The following XKR4 variants were observed in gnomAD, a reference collection of about 807,000 sequenced individuals.
XKR4 encodes XK-related protein 4.
In XKR4, 12 loss-of-function variants were observed where a neutral mutation model predicts 53.9. The ratio of observed to expected loss-of-function variants is 0.22; its 90% confidence interval spans 0.14 to 0.36. XKR4 has a LOEUF of 0.36. Among genes scored for constraint, XKR4 ranks in the 10% least tolerant of loss-of-function variants. The probability of loss-of-function intolerance (pLI) is 1.00; values close to 1 mark genes in which losing one functional copy is unlikely to be tolerated. For missense variants in XKR4, 799 were observed against 859.5 expected (o/e 0.93, Z 0.88); for synonymous variants, 354 against 362.4 (o/e 0.98, Z 0.26).
Position 55,121,035 on chromosome 8 carries a change from T to A in XKR4, c.806+17741T>A, listed in dbSNP as rs535402690. Among the ~76,000 whole-genome samples the A allele has an allele frequency of 1.9e-3, 284 of 152,350 alleles. 1 individual carries two copies. The highest frequency in any genetic ancestry group is 3.4e-3 in the Non-Finnish European group (230 of 68,032). ...ATTTAGGATTCCTCCATATCTTTTA[T>A]GGCTTGATAGCTCATTTGTTTTTAA... is the stretch of plus-strand genomic sequence containing the variant. On this transcript the variant is annotated intron_variant, in intron 1 of 2. Transcript: ENST00000327381.
At chr8:55,245,583 G>A (rs557283197) in intron 1 of XKR4, among the ~76,000 whole-genome samples, 3 of 152,212 alleles carry the variant, frequency 2.0e-5, no homozygotes, top group South Asian at 4.2e-4. Context: ...CTTGTTGCCT[G>A]TATAGTATCT....
intron 1 of XKR4, among the ~76,000 whole-genome samples, chr8:55,166,892 G>A (rs1817072671): frequency 6.6e-6 from 1 of 152,202 alleles, no homozygotes; most frequent in African/African-American, 2.4e-5. Context: ...AGCCATTGGA[G>A]ACTTTTGAGC....
chr8:55,308,620 T>C (rs1162804386), intron 1 of XKR4, among the ~76,000 whole-genome samples: 4 of 152,172 alleles, frequency 2.6e-5, no homozygotes, highest in Non-Finnish European at 4.4e-5. Context: ...AGACAAACCA[T>C]ATCACCATAC....
intron 1 of XKR4, among the ~76,000 whole-genome samples, chr8:55,244,336 C>T (rs765293758): frequency 2.0e-5 from 3 of 152,136 alleles, no homozygotes; most frequent in Admixed American, 1.3e-4. Flanking sequence ...TCTGTTACTG[C>T]GTTAGTTCAC....
chr8:55,364,658 AG>A (rs1245443234), intron 2 of XKR4, among the ~76,000 whole-genome samples: 1 of 151,922 alleles, frequency 6.6e-6, no homozygotes, highest in Non-Finnish European at 1.5e-5. Context: ...TCTGAGACAG[AG>A]TCTTGCTCTG....
intron 1 of XKR4, among the ~76,000 whole-genome samples, chr8:55,327,022 G>C (rs911590170): frequency 2.3e-4 from 35 of 152,156 alleles, no homozygotes; most frequent in African/African-American, 7.0e-4. Flanking sequence ...GACCTCGGAG[G>C]CTGGTAGCCT....
In XKR4 at chr8:55,102,467, T is replaced by C; in HGVS notation, c.-22T>C. On this transcript the variant is annotated 5_prime_UTR_variant, in exon 1 of 3. Coordinates refer to ENST00000327381, the MANE Select transcript of XKR4 (RefSeq NM_052898.2). This position sits in a 1 kb window ranked among gnomAD's most constrained non-coding sequence, Gnocchi z 5.1. ...GGAAAGGTGTCAGATAAAGGAGGGC[T>C]CTCCTCCGGTGTGGAGGCATCATGG... is the stretch of plus-strand genomic sequence containing the variant. 1 of 1,533,554 alleles carries C rather than the reference T, an allele frequency of 6.5e-7. No individual in the cohort carries two copies. The highest frequency in any genetic ancestry group is 8.8e-7 in the Non-Finnish European group (1 of 1,134,770). The allele number at this position is 1,533,554 out of a possible 1,614,324, so 95.0% of individuals were successfully genotyped here. A position where few individuals can be genotyped will look rare whatever the true frequency, so the allele number is the denominator to read the frequency against.
intron 2 of XKR4, among the ~76,000 whole-genome samples, chr8:55,492,241 A>C (rs1806282940): frequency 6.6e-6 from 1 of 152,166 alleles, no homozygotes; most frequent in African/African-American, 2.4e-5. Flanking sequence ...TTGTTTATGG[A>C]AAGGAAAAAA....
chr8:55,453,449 A>C (rs927089717), intron 2 of XKR4: 1 of 398,410 alleles, frequency 2.5e-6, no homozygotes, highest in South Asian at 2.0e-5. Context: ...GGCCTCAAGC[A>C]TCTTCCCCTC....
At chr8:55,487,321 CCA>C (rs1480588146) in intron 2 of XKR4, among the ~76,000 whole-genome samples, 1 of 152,120 alleles carries the variant, frequency 6.6e-6, no homozygotes. Context: ...CTCTATGAGC[CCA>C]CAGTCAGTTG....
At chr8:55,238,653 G>A (rs906748762) in intron 1 of XKR4, among the ~76,000 whole-genome samples, 4 of 152,134 alleles carry the variant, frequency 2.6e-5, no homozygotes, top group Non-Finnish European at 4.4e-5. Context: ...AGGCTGGGAT[G>A]TAGGGACAGG....
intron 2 of XKR4, among the ~76,000 whole-genome samples, chr8:55,405,125 C>T (rs77369580): frequency 1.3e-5 from 2 of 152,178 alleles, no homozygotes; most frequent in Non-Finnish European, 1.5e-5. Flanking sequence ...TCCTGAGACA[C>T]CAGTGCTAAC....
At position 55,146,673 on chromosome 8, in the gene XKR4, A is replaced by C. The variant is rs115565663; in HGVS notation, c.806+43379A>C. 8.3e-3 allele frequency among the ~76,000 whole-genome samples: 1,258 copies of C among 152,312 alleles called. 17 individuals are homozygous for C. The highest frequency in any genetic ancestry group is 0.029 in the African/African-American group (1,206 of 41,578). ...AACTGTATCTTTTTCATGTCTTTTA[A>C]AGGGGCTTAAAATAATTTTTTGCTC... On this transcript the variant is annotated intron_variant, in intron 1 of 2. Transcript: ENST00000327381.
At chr8:55,350,325 A>G (rs1029658654) in intron 1 of XKR4, among the ~76,000 whole-genome samples, 14 of 152,324 alleles carry the variant, frequency 9.2e-5, no homozygotes, top group Admixed American at 6.5e-4. Flanking sequence ...TCCTAAGGGC[A>G]GGACTTCCAG....
intron 2 of XKR4, among the ~76,000 whole-genome samples, chr8:55,446,383 C>T (rs1805346950): frequency 6.6e-6 from 1 of 152,066 alleles, no homozygotes. Context: ...ACTTTGTAGC[C>T]CAAGCTAAAT....
At chr8:55,514,811 A>T (rs2129405009) in intron 2 of XKR4, among the ~76,000 whole-genome samples, 1 of 152,336 alleles carries the variant, frequency 6.6e-6, no homozygotes, top group Admixed American at 6.5e-5. Context: ...GTGTAAAATT[A>T]ATCACGCAAT....
intron 1 of XKR4, among the ~76,000 whole-genome samples, chr8:55,346,633 A>T (rs1803646421): frequency 6.6e-6 from 1 of 151,672 alleles, no homozygotes; most frequent in Admixed American, 6.6e-5. Context: ...TCTTAGGATG[A>T]CAAGTCATAC....
intron 1 of XKR4, among the ~76,000 whole-genome samples, chr8:55,129,264 T>C (rs1816520705): frequency 6.6e-6 from 1 of 152,180 alleles, no homozygotes; most frequent in Non-Finnish European, 1.5e-5. Flanking sequence ...AAGAATTTTC[T>C]AAGACAAAGA....
intron 1 of XKR4, among the ~76,000 whole-genome samples, chr8:55,328,421 T>A (rs1322488474): frequency 6.6e-6 from 1 of 152,186 alleles, no homozygotes; most frequent in Non-Finnish European, 1.5e-5. Flanking sequence ...TTATTCCTAA[T>A]GGATCATTGT....
Sources: gnomAD v4.1 joint callset for allele counts (sites outside exome capture counted in the v4.1 genomes callset) on GRCh38, gnomAD v4.1.1 for gene constraint, Gnocchi (gnomAD v3.1) non-coding constraint, MANE v1.5 for transcripts, NCBI Gene and HGNC (gene_info 2026-07-23, HGNC 2026-07-21) for gene names.